Variants in ANO6 observed in about 807,000 individuals in gnomAD.
ANO6 encodes the protein anoctamin 6, also known as anoctamin-6.
A neutral mutation model predicts 117.5 loss-of-function variants in ANO6; 106 were observed. That is an observed-to-expected ratio of 0.90 (90% CI 0.77 to 1.06). ANO6 has a LOEUF of 1.06. Among genes scored for constraint, ANO6 ranks in the 50% least tolerant of loss-of-function variants. The pLI, the probability that ANO6 is intolerant of heterozygous loss-of-function variation, is 0.00. For synonymous variants in ANO6, 367 were observed against 385.1 expected (o/e 0.95, Z 0.55); for missense variants, 955 against 1,121.1 (o/e 0.85, Z 2.12).
Position 45,350,738 on chromosome 12 carries a change from G to C in ANO6, c.827G>C (p.Arg276Pro). ...YLLYREWAHP[R>P]SIYKKQPLDL... is the part of the protein sequence containing the mutation. Reference sequence around the variant, plus strand: ...CTGTACAGAGAATGGGCTCATCCTCGAAGCATATACAAAAAGCAGCCCTTG... The same window carrying C: ...CTGTACAGAGAATGGGCTCATCCTCCAAGCATATACAAAAAGCAGCCCTTG... The change falls in exon 7 of 20, where the codon CGA becomes CCA. Residue 276 changes from arginine (R) to proline (P), a missense_variant. Transcript: ENST00000320560. 1 of 1,613,640 alleles carries C rather than the reference G, an allele frequency of 6.2e-7. No homozygotes were observed. Among genetic ancestry groups the C allele is most frequent in the Non-Finnish European group, 8.5e-7 (1 of 1,179,728 alleles).
chr12:45,395,593 T>C (rs1942589314), intron 12 of ANO6, among the ~76,000 whole-genome samples: 1 of 152,160 alleles, frequency 6.6e-6, no homozygotes, highest in Non-Finnish European at 1.5e-5. Context: ...AAATCCACAA[T>C]AAAATACTGG....
chr12:45,397,108 T>C (rs969349417), intron 12 of ANO6, among the ~76,000 whole-genome samples: 1 of 152,208 alleles, frequency 6.6e-6, no homozygotes, highest in Admixed American at 6.5e-5. Flanking sequence ...GACAAAGGGC[T>C]AATATCCAGA....
At chr12:45,437,676 T>C (rs539951906) in intron 19 of ANO6, among the ~76,000 whole-genome samples, 8 of 152,226 alleles carry the variant, frequency 5.3e-5, no homozygotes, top group African/African-American at 1.9e-4. Flanking sequence ...TTCTAGCAAT[T>C]CTCCTGCCTC....
chr12:45,244,331 G>A (rs1947789819), intron 1 of ANO6, among the ~76,000 whole-genome samples: 2 of 149,330 alleles, frequency 1.3e-5, no homozygotes, highest in African/African-American at 2.5e-5. Context: ...AACCGAACAG[G>A]TAGATGCTGG....
At chr12:45,333,689 C>T (rs935128723) in intron 3 of ANO6, among the ~76,000 whole-genome samples, 1 of 151,992 alleles carries the variant, frequency 6.6e-6, no homozygotes, top group Non-Finnish European at 1.5e-5. Flanking sequence ...TGTTTTCAGA[C>T]TGTATTTGCA....
chr12:45,253,031 C>T (rs996135113), intron 1 of ANO6, among the ~76,000 whole-genome samples: 1 of 152,234 alleles, frequency 6.6e-6, no homozygotes, highest in African/African-American at 2.4e-5. Flanking sequence ...TGCTTACTCT[C>T]TGTAGATACT....
intron 19 of ANO6, among the ~76,000 whole-genome samples, chr12:45,426,832 G>T (rs1221211817): frequency 1.3e-5 from 2 of 151,852 alleles, no homozygotes; most frequent in African/African-American, 4.8e-5. Flanking sequence ...CCTGGAGTCT[G>T]CTGGCTCTAA....
chr12:45,320,947 CT>C (rs1316247332), intron 2 of ANO6, among the ~76,000 whole-genome samples: 3 of 151,872 alleles, frequency 2.0e-5, no homozygotes, highest in Non-Finnish European at 4.4e-5. Flanking sequence ...CAACCCCTGC[CT>C]TTTTTTGTTT....
chr12:45,418,060 C>T (rs1014183885), intron 17 of ANO6, among the ~76,000 whole-genome samples: 2 of 152,186 alleles, frequency 1.3e-5, no homozygotes, highest in Admixed American at 6.5e-5. Context: ...CATGAAGCCT[C>T]GTTTCTATTG....
intron 2 of ANO6, among the ~76,000 whole-genome samples, chr12:45,306,227 C>T (rs902463940): frequency 6.6e-5 from 10 of 152,186 alleles, no homozygotes; most frequent in Middle Eastern, 3.4e-3. Flanking sequence ...TATATATAAC[C>T]CTACTGACTT....
chr12:45,422,070 A>G (rs1943379483), intron 18 of ANO6, among the ~76,000 whole-genome samples: 2 of 152,212 alleles, frequency 1.3e-5, no homozygotes, highest in African/African-American at 2.4e-5. Flanking sequence ...CCTCTTTACA[A>G]TTCTGCATCA....
Position 45,429,316 on chromosome 12 carries a change from T to G in ANO6, c.*5T>G. The G allele has an allele frequency of 2.5e-6, 4 of 1,612,802 alleles. No individual in the cohort carries two copies. Among genetic ancestry groups the G allele is most frequent in the Non-Finnish European group, 3.4e-6 (4 of 1,179,412 alleles). On this transcript the variant is annotated 3_prime_UTR_variant, in exon 20 of 20. Coordinates refer to ENST00000320560, the MANE Select transcript of ANO6 (RefSeq NM_001025356.3). ...TTACGGCCAAAATCAGAATAAGAGC[T>G]TTATGTTCTGAGAAGCACTTTAAGG...
intron 1 of ANO6, among the ~76,000 whole-genome samples, chr12:45,228,491 T>C (rs1592841695): frequency 1.3e-5 from 2 of 152,118 alleles, no homozygotes; most frequent in East Asian, 1.9e-4. Context: ...TATAGTTGTA[T>C]GCACAAAAAG....
chr12:45,218,345 C>G (rs1947346521), intron 1 of ANO6, among the ~76,000 whole-genome samples: 1 of 148,750 alleles, frequency 6.7e-6, no homozygotes, highest in African/African-American at 2.5e-5. Flanking sequence ...TGCTGATGTT[C>G]TAACACCCAG....
At chr12:45,330,753 G>A (rs1034430446) in intron 2 of ANO6, among the ~76,000 whole-genome samples, 2 of 152,188 alleles carry the variant, frequency 1.3e-5, no homozygotes, top group Non-Finnish European at 1.5e-5. Flanking sequence ...GACTAGTGCA[G>A]CTTTTGTTTA....
At chr12:45,317,113 G>GTATATA (rs1555168447) in intron 2 of ANO6, among the ~76,000 whole-genome samples, 14 of 66,448 alleles carry the variant, frequency 2.1e-4, no homozygotes, top group African/African-American at 5.3e-4. Context: ...CTTTTTATAT[G>GTATATA]TATATATATA....
rs904644476 is a variant in ANO6, at chr12:45,387,661, G to A, written c.1166-500G>A. 2.4e-4 allele frequency among the ~76,000 whole-genome samples: 37 copies of A among 152,082 alleles called. 1 individual carries two copies. Among genetic ancestry groups the A allele is most frequent in the African/African-American group, 8.2e-4 (34 of 41,384 alleles). On this transcript the variant is annotated intron_variant, in intron 10 of 19. Transcript: ENST00000320560. Reference sequence around the variant, plus strand: ...TCATGTTTTTCCCTTTTAAATAGTAGTATCTCCTATAATTTAGATTTGATT... The same window carrying A: ...TCATGTTTTTCCCTTTTAAATAGTAATATCTCCTATAATTTAGATTTGATT...
chr12:45,426,296 C>T (rs1301319228), intron 19 of ANO6, among the ~76,000 whole-genome samples: 1 of 152,188 alleles, frequency 6.6e-6, no homozygotes, highest in Non-Finnish European at 1.5e-5. Context: ...GATGAAAGAA[C>T]TCTTTCCTAC....
chr12:45,421,982 C>G (rs1943377574), intron 18 of ANO6, among the ~76,000 whole-genome samples: 1 of 152,180 alleles, frequency 6.6e-6, no homozygotes, highest in African/African-American at 2.4e-5. Flanking sequence ...AAAGCCTTCA[C>G]TAACTCAGAT....
Sources: gnomAD v4.1 joint callset for allele counts (sites outside exome capture counted in the v4.1 genomes callset) on GRCh38, gnomAD v4.1.1 for gene constraint, MANE v1.5 for transcripts, NCBI Gene and HGNC (gene_info 2026-07-23, HGNC 2026-07-21) for gene names.